SLC71A1: variants seen among roughly 807,000 people sequenced by gnomAD.
SLC71A1 encodes the protein solute carrier family 71 member 1.
the SLC71A1 span, chr1:100,059,732 G>T: frequency 1.6e-6 from 1 of 608,052 alleles, no homozygotes. Context: ...TTTATATATA[G>T]ATAAGCAATT....
At chr1:100,066,175 C>T in the SLC71A1 span, among the ~76,000 whole-genome samples, 1 of 152,166 alleles carries the variant, frequency 6.6e-6, no homozygotes, top group Non-Finnish European at 1.5e-5. Flanking sequence ...TGATTTCATT[C>T]TTCCTAACCC....
chr1:100,074,225 G>A, the SLC71A1 span, among the ~76,000 whole-genome samples: 4 of 152,136 alleles, frequency 2.6e-5, no homozygotes, highest in Non-Finnish European at 5.9e-5. Context: ...CCAGGAAAGG[G>A]GGATTGGTGT....
At chr1:100,071,933 A>C in the SLC71A1 span, among the ~76,000 whole-genome samples, 1 of 152,254 alleles carries the variant, frequency 6.6e-6, no homozygotes, top group African/African-American at 2.4e-5. Flanking sequence ...TCAGTGCAGC[A>C]GCAGAGCCCT....
chr1:100,044,811 TA>T, the SLC71A1 span, among the ~76,000 whole-genome samples: 1 of 152,252 alleles, frequency 6.6e-6, no homozygotes, highest in East Asian at 1.9e-4. Flanking sequence ...CCTAGGCGGC[TA>T]TAAGTATTTT....
chr1:100,070,990 A>T, the SLC71A1 span, among the ~76,000 whole-genome samples: 2 of 152,130 alleles, frequency 1.3e-5, no homozygotes, highest in African/African-American at 4.8e-5. Context: ...CTCTGCACAT[A>T]CATATACTTG....
the SLC71A1 span, among the ~76,000 whole-genome samples, chr1:100,074,707 T>C: frequency 6.6e-6 from 1 of 151,316 alleles, no homozygotes; most frequent in African/African-American, 2.4e-5. Flanking sequence ...TGGAACCCTG[T>C]CTTTACTAAA....
the SLC71A1 span, chr1:100,060,037 T>C: frequency 6.4e-7 from 1 of 1,557,484 alleles, no homozygotes; most frequent in Non-Finnish European, 8.7e-7. Flanking sequence ...AGCAACTAAA[T>C]ATCACTTTCA....
At chr1:100,058,829 ATGTT>A in the SLC71A1 span, 22 of 607,074 alleles carry the variant, frequency 3.6e-5, no homozygotes, top group Middle Eastern at 1.0e-3. Context: ...ATGCGAATAT[ATGTT>A]TGTTTACTGA....
the SLC71A1 span, among the ~76,000 whole-genome samples, chr1:100,077,469 G>A: frequency 6.6e-6 from 1 of 152,108 alleles, no homozygotes; most frequent in African/African-American, 2.4e-5. Flanking sequence ...GATTAAAAAG[G>A]TGACCTTTTA....
chr1:100,057,357 CTT>C, the SLC71A1 span, among the ~76,000 whole-genome samples: 28 of 122,456 alleles, frequency 2.3e-4, no homozygotes, highest in Admixed American at 4.1e-4. Flanking sequence ...CTTTTTCTTT[CTT>C]TTTTTTTTTT....
the SLC71A1 span, chr1:100,082,181 A>C: frequency 6.2e-7 from 1 of 1,613,968 alleles, no homozygotes; most frequent in African/African-American, 1.3e-5. Flanking sequence ...GAGGCCAAAG[A>C]ACCTTTACTC....
chr1:100,038,650 C>A, the SLC71A1 span, among the ~76,000 whole-genome samples: 1 of 152,102 alleles, frequency 6.6e-6, no homozygotes, highest in African/African-American at 2.4e-5. Flanking sequence ...GGCCCGCCCG[C>A]CGCGCCCCTC....
At chr1:100,070,731 C>G in the SLC71A1 span, among the ~76,000 whole-genome samples, 3 of 152,130 alleles carry the variant, frequency 2.0e-5, no homozygotes, top group Non-Finnish European at 4.4e-5. Flanking sequence ...AGCCCCACCC[C>G]CTTTCTTGCT....
At chr1:100,073,279 C>T in the SLC71A1 span, among the ~76,000 whole-genome samples, 1 of 152,208 alleles carries the variant, frequency 6.6e-6, no homozygotes. Context: ...CACTATAGTT[C>T]ATTCTGCACT....
At chr1:100,038,150 C>A in the SLC71A1 span, 1 of 1,236,562 alleles carries the variant, frequency 8.1e-7, no homozygotes, top group South Asian at 1.3e-5. Flanking sequence ...CTCGGCCCGG[C>A]AGTAGTGGTG....
chr1:100,045,308 T>A, the SLC71A1 span, among the ~76,000 whole-genome samples: 4 of 152,234 alleles, frequency 2.6e-5, no homozygotes, highest in African/African-American at 9.6e-5. Flanking sequence ...TTGTCGTTGC[T>A]GGAATATAGC....
the SLC71A1 span, among the ~76,000 whole-genome samples, chr1:100,047,730 A>T: frequency 6.6e-6 from 1 of 152,100 alleles, no homozygotes; most frequent in East Asian, 1.9e-4. Context: ...CCGATGAATG[A>T]TCTTTTTTAA....
chr1:100,065,540 C>G, the SLC71A1 span, among the ~76,000 whole-genome samples: 3 of 133,288 alleles, frequency 2.3e-5, no homozygotes, highest in Non-Finnish European at 4.7e-5. Context: ...CTTTCCTTTT[C>G]GCTTTCACCT....
At chr1:100,054,902 G>A in the SLC71A1 span, among the ~76,000 whole-genome samples, 1 of 152,164 alleles carries the variant, frequency 6.6e-6, no homozygotes, top group Non-Finnish European at 1.5e-5. Context: ...TTGCTTTGGA[G>A]AAAAAAGTTA....
Sources: allele counts gnomAD v4.1 joint callset (sites outside exome capture counted in the v4.1 genomes callset), GRCh38; gene constraint gnomAD v4.1.1; transcripts MANE v1.5; gene names NCBI Gene and HGNC (gene_info 2026-07-23, HGNC 2026-07-21).